SCAI: variants seen among roughly 807,000 people sequenced by gnomAD.
The protein encoded by SCAI is suppressor of cancer cell invasion, also known as protein SCAI.
Under a neutral mutation model 92.2 loss-of-function variants are expected in SCAI, and 24 were observed. That is an observed-to-expected ratio of 0.26 (90% CI 0.19 to 0.37). SCAI has a LOEUF of 0.37. Among genes scored for constraint, SCAI ranks in the 10% least tolerant of loss-of-function variants. The probability of loss-of-function intolerance (pLI) is 1.00; values close to 1 mark genes in which losing one functional copy is unlikely to be tolerated. For missense variants in SCAI, 450 were observed against 736.2 expected (o/e 0.61, Z 4.50); for synonymous variants, 261 against 258.6 (o/e 1.01, Z -0.09).
chr9:125,026,302 A>T (rs1832962760), intron 6 of SCAI, among the ~76,000 whole-genome samples: 2 of 151,680 alleles, frequency 1.3e-5, no homozygotes, highest in Non-Finnish European at 2.9e-5. Context: ...TGAACCCAGG[A>T]AGTGGAGGTG....
intron 2 of SCAI, among the ~76,000 whole-genome samples, chr9:125,066,969 T>C (rs1833884611): frequency 6.6e-6 from 1 of 152,208 alleles, no homozygotes; most frequent in African/African-American, 2.4e-5. Context: ...GTAGGAAGCC[T>C]ATACCATCTA....
At chr9:125,039,996 G>A (rs1417290049) in intron 3 of SCAI, among the ~76,000 whole-genome samples, 1 of 152,086 alleles carries the variant, frequency 6.6e-6, no homozygotes, top group Non-Finnish European at 1.5e-5. Context: ...AGTATATAAA[G>A]CAAAAAGTAA....
At chr9:125,139,001 A>T (rs543923327) in intron 2 of SCAI, among the ~76,000 whole-genome samples, 1 of 152,308 alleles carries the variant, frequency 6.6e-6, no homozygotes, top group Admixed American at 6.5e-5. Context: ...GATGGGACCC[A>T]ATAAGGTGGA....
chr9:125,089,888 T>G (rs945691557), intron 2 of SCAI, among the ~76,000 whole-genome samples: 5 of 152,200 alleles, frequency 3.3e-5, no homozygotes, highest in Non-Finnish European at 7.3e-5. Flanking sequence ...TTTCTTATTA[T>G]TTTTAAAATA....
chr9:125,024,821 G>A (rs1257253531), intron 6 of SCAI, among the ~76,000 whole-genome samples: 5 of 152,184 alleles, frequency 3.3e-5, no homozygotes, highest in Non-Finnish European at 7.3e-5. Flanking sequence ...CAGCTCCTAG[G>A]AGGAGTGGCT....
At chr9:125,073,026 C>T (rs909221986) in intron 2 of SCAI, among the ~76,000 whole-genome samples, 6 of 150,392 alleles carry the variant, frequency 4.0e-5, no homozygotes, top group Non-Finnish European at 8.8e-5. Flanking sequence ...CAAGAACCTG[C>T]TCTCAATTCT....
In SCAI at chr9:124,960,291, T is replaced by A. The variant is rs139495249; in HGVS notation, c.1675-7338A>T. The stretch of plus-strand genomic sequence containing the variant: ...TCACCCAGGCTGGAATGCAGTGGCG[T>A]GATCATAATTCACTGTAACATGGAA... On this transcript the variant is annotated intron_variant, in intron 17 of 17. Transcript: ENST00000336505. 1.3e-3 allele frequency among the ~76,000 whole-genome samples: 202 copies of A among 152,272 alleles called. 2 individuals carry two copies. The South Asian group carries it at 0.024, about 18-fold the overall frequency.
At chr9:124,966,842 G>A (rs1831551065) in intron 17 of SCAI, among the ~76,000 whole-genome samples, 1 of 150,318 alleles carries the variant, frequency 6.7e-6, no homozygotes. Context: ...CCAATTCCTG[G>A]CTTCAAGCAG....
At chr9:125,078,840 G>A (rs961018801) in intron 2 of SCAI, among the ~76,000 whole-genome samples, 1 of 152,170 alleles carries the variant, frequency 6.6e-6, no homozygotes, top group African/African-American at 2.4e-5. Flanking sequence ...GAGCCCAGGA[G>A]TTCAAGTGAG....
At chr9:125,002,636 C>T (rs1353194627) in intron 11 of SCAI, among the ~76,000 whole-genome samples, 1 of 151,938 alleles carries the variant, frequency 6.6e-6, no homozygotes. Context: ...GCATGTGCCA[C>T]CACACCCGGC....
At chr9:125,082,099 A>G (rs1015385218) in intron 2 of SCAI, among the ~76,000 whole-genome samples, 4 of 152,244 alleles carry the variant, frequency 2.6e-5, no homozygotes, top group African/African-American at 9.6e-5. Context: ...CTGGAGGTCT[A>G]GGAGAATATG....
intron 9 of SCAI, among the ~76,000 whole-genome samples, chr9:125,007,042 C>T (rs1832525469): frequency 6.6e-6 from 1 of 152,010 alleles, no homozygotes; most frequent in South Asian, 2.1e-4. Context: ...TCAACTGAAC[C>T]AGGGAGGCAG....
chr9:125,105,480 T>C (rs1288698017), intron 2 of SCAI, among the ~76,000 whole-genome samples: 20 of 152,350 alleles, frequency 1.3e-4, no homozygotes, highest in Admixed American at 1.1e-3. Flanking sequence ...TCTGTTCTTA[T>C]CAGTTTAATG....
chr9:125,137,530 C>T (rs1446083827), intron 2 of SCAI, among the ~76,000 whole-genome samples: 1 of 152,214 alleles, frequency 6.6e-6, no homozygotes, highest in Non-Finnish European at 1.5e-5. Flanking sequence ...TATACCAAAA[C>T]CACATTGCTT....
chr9:125,057,291 T>G (rs1019095725), intron 2 of SCAI, among the ~76,000 whole-genome samples: 11 of 151,896 alleles, frequency 7.2e-5, no homozygotes, highest in African/African-American at 2.4e-4. Context: ...AGAGATTAAA[T>G]ATATAAAAGA....
chr9:125,023,050 C>T (rs894257223), intron 6 of SCAI, among the ~76,000 whole-genome samples: 4 of 152,078 alleles, frequency 2.6e-5, no homozygotes, highest in African/African-American at 9.7e-5. Context: ...AATTCTTTAT[C>T]CCCTTTCTTC....
intron 14 of SCAI, among the ~76,000 whole-genome samples, chr9:124,993,244 T>C (rs1462430240): frequency 6.6e-6 from 1 of 152,248 alleles, no homozygotes; most frequent in African/African-American, 2.4e-5. Flanking sequence ...TTCAGCAGCT[T>C]CTCACATTCT....
At chr9:124,968,407 C>G in intron 17 of SCAI, 1 of 1,132,914 alleles carries the variant, frequency 8.8e-7, no homozygotes, top group Non-Finnish European at 1.3e-6. Flanking sequence ...TGGGAGTACA[C>G]CCAGTTTTTC....
chr9:125,096,438 T>C (rs1435702967), intron 2 of SCAI, among the ~76,000 whole-genome samples: 1 of 152,224 alleles, frequency 6.6e-6, no homozygotes, highest in Non-Finnish European at 1.5e-5. Flanking sequence ...GGGATGGTCC[T>C]TAGCAATTAC....
Sources: gnomAD v4.1 joint callset for allele counts (sites outside exome capture counted in the v4.1 genomes callset) on GRCh38, gnomAD v4.1.1 for gene constraint, MANE v1.5 for transcripts, NCBI Gene and HGNC (gene_info 2026-07-23, HGNC 2026-07-21) for gene names.